ABCA13: variants seen among roughly 807,000 people sequenced by gnomAD.
ABCA13 encodes the protein ATP binding cassette subfamily A member 13.
A neutral mutation model predicts 478.7 loss-of-function variants in ABCA13; 476 were observed. The ratio of observed to expected loss-of-function variants is 0.99; its 90% CI spans 0.92 to 1.07. ABCA13 has a LOEUF of 1.07. ABCA13 is among the 50% of genes least tolerant of loss of function. ABCA13 has a pLI of 0.00. For missense variants in ABCA13, 6,060 were observed against 5,910.6 expected, an observed-to-expected ratio of 1.03 and a Z score of -0.83; for synonymous variants, 2,252 against 2,158.9, an observed-to-expected ratio of 1.04 and a Z score of -1.20.
rs527531260 is a variant in ABCA13 at position 48,231,942 on chromosome 7, G to A, written c.763+1987G>A. Among the ~76,000 whole-genome samples the A allele has an allele frequency of 8.3e-4, 126 of 152,096 alleles. 2 individuals carry two copies. Among genetic ancestry groups the A allele is most frequent in the Non-Finnish European group, 5.1e-4 (35 of 67,978 alleles). On this transcript the variant is annotated intron_variant, in intron 7 of 61. Transcript: ENST00000435803. ...CTCCCAAAGTGCTGGGATTACAGGC[G>A]TGAGCCACTGCGCCCAACCCTGAAC...
At chr7:48,290,819 C>A (rs1798400832) in intron 20 of ABCA13, among the ~76,000 whole-genome samples, 1 of 151,714 alleles carries the variant, frequency 6.6e-6, no homozygotes, top group African/African-American at 2.4e-5. Context: ...ATTGTTCTGA[C>A]CTAGTTGTAT....
At position 48,541,905 on chromosome 7, in the gene ABCA13, A is replaced by ATT. The variant is rs202022935; in HGVS notation, c.14354+13570_14354+13571dup. 2.8e-4 allele frequency among the ~76,000 whole-genome samples: 41 copies of ATT among 146,320 alleles called. 2 individuals are homozygous for ATT. In the South Asian group the frequency reaches 6.4e-3, roughly 23 times the overall value. ...ACTCAGAAACTGGGTTAAAAAAGGT[A>ATT]TTTTTTTTTTTACATGACACAACAC... On this transcript the variant is annotated intron_variant, in intron 55 of 61. Transcript: ENST00000435803.
intron 20 of ABCA13, among the ~76,000 whole-genome samples, chr7:48,291,649 G>T (rs904516535): frequency 1.3e-5 from 2 of 152,102 alleles, no homozygotes; most frequent in South Asian, 4.1e-4. Flanking sequence ...CCCTGTGGTT[G>T]CACACTAGTT....
intron 41 of ABCA13, among the ~76,000 whole-genome samples, chr7:48,413,955 ATAGT>A (rs1479995979): frequency 1.3e-5 from 2 of 152,166 alleles, no homozygotes; most frequent in African/African-American, 4.8e-5. Flanking sequence ...AGGGTTTCTG[ATAGT>A]TAGTCAAGTT....
intron 27 of ABCA13, among the ~76,000 whole-genome samples, chr7:48,323,402 A>G (rs1206016245): frequency 6.6e-6 from 1 of 152,230 alleles, no homozygotes; most frequent in African/African-American, 2.4e-5. Flanking sequence ...CAAGGGAGAT[A>G]GAGTAGACTG....
At chr7:48,288,109 C>T (rs1011531416) in intron 20 of ABCA13, 31 bp downstream of exon 20, 1 of 1,587,490 alleles carries the variant, frequency 6.3e-7, no homozygotes, top group South Asian at 1.1e-5. Context: ...CAGAGAATTT[C>T]ATGTTCATGA....
At chr7:48,266,474 T>C (rs1365518691) in intron 15 of ABCA13, among the ~76,000 whole-genome samples, 2 of 151,778 alleles carry the variant, frequency 1.3e-5, no homozygotes, top group Non-Finnish European at 3.0e-5. Context: ...AGTTGTTCAA[T>C]TTAGTATCAT....
intron 1 of ABCA13, among the ~76,000 whole-genome samples, chr7:48,173,011 GC>G (rs1033054132): frequency 3.9e-5 from 6 of 151,996 alleles, no homozygotes; most frequent in African/African-American, 4.8e-5. Context: ...TGGTTCCCAG[GC>G]ACTGCTCTTT....
intron 56 of ABCA13, among the ~76,000 whole-genome samples, chr7:48,583,785 A>G (rs369152544): frequency 3.3e-5 from 5 of 152,220 alleles, no homozygotes; most frequent in African/African-American, 9.6e-5. Context: ...TGCTTTTGCC[A>G]TTACTTTGAC....
In ABCA13 at chr7:48,411,032, TTTC is replaced by T. The variant is rs1390273353; in HGVS notation, c.12228+358_12228+360del. 4.2e-5 allele frequency among the ~76,000 whole-genome samples: 5 copies of T among 118,782 alleles called. 1 individual carries two copies. Among genetic ancestry groups the T allele is most frequent in the African/African-American group, 1.6e-4 (5 of 31,938 alleles). 77.9% of individuals were successfully genotyped at this position (118,782 alleles called of 152,430 possible). ...CTTTCTTTCTTTCTTTCTTTCTTTC[TTTC>T]TTTCTTTCTTTCTTTTTCTTTCTTT... is the stretch of plus-strand genomic sequence containing the variant. On this transcript the variant is annotated intron_variant, in intron 40 of 61. Coordinates refer to ENST00000435803, the MANE Select transcript of ABCA13 (RefSeq NM_152701.5).
chr7:48,470,385 A>C (rs1344589453), intron 44 of ABCA13, among the ~76,000 whole-genome samples: 1 of 152,206 alleles, frequency 6.6e-6, no homozygotes, highest in East Asian at 1.9e-4. Flanking sequence ...ATTAAATTAT[A>C]AACACTTGTT....
At chr7:48,638,609 A>T (rs556084677) in intron 59 of ABCA13, among the ~76,000 whole-genome samples, 26 of 152,314 alleles carry the variant, frequency 1.7e-4, no homozygotes, top group African/African-American at 5.8e-4. Flanking sequence ...ATATGCAATG[A>T]TTGGAAAATG....
intron 31 of ABCA13, among the ~76,000 whole-genome samples, chr7:48,363,420 G>A (rs1468619967): frequency 6.6e-6 from 1 of 152,052 alleles, no homozygotes; most frequent in Non-Finnish European, 1.5e-5. Context: ...ATGTTTCATT[G>A]TTGAACATTC....
At position 48,520,296 on chromosome 7, in the gene ABCA13, T is replaced by G; in HGVS notation, c.14051+2T>G. The G allele has an allele frequency of 6.2e-7, 1 of 1,608,668 alleles. No homozygotes were observed. The highest frequency in any genetic ancestry group is 1.1e-5 in the South Asian group (1 of 90,508). ...CTGGGACCTTCTGCGATGGCCAAGGTGGGTTCTGAAGGACTCATCCTCGAG... is the reference window on the plus strand; with the variant it reads ...CTGGGACCTTCTGCGATGGCCAAGGGGGGTTCTGAAGGACTCATCCTCGAG... On this transcript the variant is annotated splice_donor_variant, in intron 53 of 61. Transcript: ENST00000435803. LOFTEE classifies it high-confidence loss of function.
In ABCA13 at chr7:48,256,212, A is replaced by G. The variant is rs147099520; in HGVS notation, c.2005+6861A>G. Among the ~76,000 whole-genome samples the G allele has an allele frequency of 2.9e-4, 44 of 152,134 alleles. 2 individuals are homozygous for G. Among genetic ancestry groups the G allele is most frequent in the African/African-American group, 9.6e-4 (40 of 41,524 alleles). On this transcript the variant is annotated intron_variant, in intron 15 of 61. Transcript: ENST00000435803. ...TGGATATTAGACCTTTGTTGGATGC[A>G]TAGTTTGCAAATATTTTCTCCTGTT...
At chr7:48,209,184 A>G (rs1785305456) in intron 3 of ABCA13, among the ~76,000 whole-genome samples, 1 of 152,128 alleles carries the variant, frequency 6.6e-6, no homozygotes, top group Admixed American at 6.5e-5. Flanking sequence ...GTAATATTAA[A>G]TGTAATATTA....
chr7:48,617,928 A>G (rs1792749630), intron 59 of ABCA13, among the ~76,000 whole-genome samples: 1 of 152,154 alleles, frequency 6.6e-6, no homozygotes, highest in Non-Finnish European at 1.5e-5. Flanking sequence ...GCAAGTAGGG[A>G]CAGATACATA....
rs1426980397 is a variant in ABCA13 at position 48,364,659 on chromosome 7, A to ATC, written c.10689-3134_10689-3133insCT. ...AGCTCCCACGTATGAGTTAGAACAT[A>ATC]TATTTGTCTTTCTGTGTCTGGCTTA... On this transcript the variant is annotated intron_variant, in intron 31 of 61. Transcript: ENST00000435803. Among the ~76,000 whole-genome samples the ATC allele has an allele frequency of 7.9e-5, 12 of 152,224 alleles. No homozygotes were observed. The East Asian group carries it at 2.3e-3, about 29-fold the overall frequency.
At chr7:48,242,733 C>G (rs986444058) in intron 10 of ABCA13, among the ~76,000 whole-genome samples, 4 of 152,228 alleles carry the variant, frequency 2.6e-5, no homozygotes, top group African/African-American at 9.6e-5. Context: ...GCCACCGCAG[C>G]TGGCCACCTT....
Sources: allele counts gnomAD v4.1 joint callset (sites outside exome capture counted in the v4.1 genomes callset), GRCh38; gene constraint gnomAD v4.1.1; transcripts MANE v1.5; gene names NCBI Gene and HGNC (gene_info 2026-07-23, HGNC 2026-07-21).